ZBBX: variants seen among roughly 807,000 people sequenced by gnomAD.
The protein encoded by ZBBX is zinc finger B-box domain containing.
A neutral mutation model predicts 108.5 loss-of-function variants in ZBBX; 101 were observed. The observed-to-expected ratio is 0.93, with a 90% CI of 0.79 to 1.10. The LOEUF is 1.10. Ranked by LOEUF, ZBBX falls within the 50% of genes least tolerant of loss-of-function variation. ZBBX has a pLI of 0.00. For synonymous variants in ZBBX, 356 were observed against 323.4 expected (o/e 1.10, Z -1.08); for missense variants, 1,009 against 941.4 (o/e 1.07, Z -0.94).
In ZBBX at chr3:167,372,934, C is replaced by T; in HGVS notation, c.-33G>A. 4 of 1,527,502 alleles carry T rather than the reference C, an allele frequency of 2.6e-6. No individual in the cohort carries two copies. Among genetic ancestry groups the T allele is most frequent in the Non-Finnish European group, 3.5e-6 (4 of 1,128,126 alleles). 94.6% of individuals were successfully genotyped at this position (1,527,502 alleles called of 1,614,324 possible). On this transcript the variant is annotated 5_prime_UTR_variant, in exon 4 of 22. Coordinates refer to ENST00000675490, the MANE Select transcript of ZBBX (RefSeq NM_001199201.2). ...ACCTTAATATTGTCTAAAAGTTATT[C>T]TGATTTGTAAACACTTCTGTAAAAG...
At chr3:167,205,172 A>G in the ZBBX span, among the ~76,000 whole-genome samples, 1 of 152,132 alleles carries the variant, frequency 6.6e-6, no homozygotes. Context: ...TTGACCCCTC[A>G]TTAAAACCGT....
chr3:167,388,443 C>A (rs545165582), intron 1 of ZBBX, among the ~76,000 whole-genome samples: 17 of 151,582 alleles, frequency 1.1e-4, no homozygotes, highest in African/African-American at 4.1e-4. Flanking sequence ...ACATTGGCAA[C>A]CAGAGGACAT....
At chr3:167,264,959 C>G (rs1163679706) in intron 20 of ZBBX, among the ~76,000 whole-genome samples, 1 of 152,166 alleles carries the variant, frequency 6.6e-6, no homozygotes, top group African/African-American at 2.4e-5. Context: ...TGGGACTCAC[C>G]CTTCAGGATA....
At chr3:167,238,425 T>A (rs1720319821), downstream of ZBBX, among the ~76,000 whole-genome samples, 1 of 152,078 alleles carries the variant, frequency 6.6e-6, no homozygotes, top group South Asian at 2.1e-4. Context: ...CGTTTGTTAA[T>A]CAGTTTCAAT....
chr3:167,323,235 AAGAG>A (rs746247039), intron 11 of ZBBX, among the ~76,000 whole-genome samples: 1 of 30,420 alleles, frequency 3.3e-5, no homozygotes, highest in Admixed American at 4.9e-4. Context: ...GGAGAGCTAA[AAGAG>A]GGGGGGGGGG....
chr3:167,187,443 A>G, the ZBBX span, among the ~76,000 whole-genome samples: 1 of 152,188 alleles, frequency 6.6e-6, no homozygotes, highest in Non-Finnish European at 1.5e-5. Flanking sequence ...TAGCGTGTGC[A>G]TCAGAGCAAA....
chr3:167,269,823 C>A (rs1000698051), intron 20 of ZBBX, among the ~76,000 whole-genome samples: 6 of 152,186 alleles, frequency 3.9e-5, no homozygotes, highest in Admixed American at 3.9e-4. Flanking sequence ...CAGTAAAATT[C>A]CATATATCCA....
chr3:167,287,438 G>T (rs1729902574), intron 19 of ZBBX, among the ~76,000 whole-genome samples: 1 of 152,034 alleles, frequency 6.6e-6, no homozygotes, highest in Non-Finnish European at 1.5e-5. Flanking sequence ...ATTGCAAGAG[G>T]TTTCCCAGGT....
the ZBBX span, among the ~76,000 whole-genome samples, chr3:167,186,736 C>T: frequency 6.6e-6 from 1 of 151,942 alleles, no homozygotes; most frequent in Non-Finnish European, 1.5e-5. Flanking sequence ...ATAAAATGAG[C>T]AGAGAAGTTT....
At chr3:167,244,139 C>G (rs139437203) in intron 20 of ZBBX, among the ~76,000 whole-genome samples, 1 of 152,152 alleles carries the variant, frequency 6.6e-6, no homozygotes, top group Non-Finnish European at 1.5e-5. Context: ...TAATAACTTG[C>G]TGAAAGTCAC....
Position 167,292,798 on chromosome 3 carries a change from C to T in ZBBX, c.1880-3815G>A, listed in dbSNP as rs539122422. Among the ~76,000 whole-genome samples, 6 of 152,030 alleles carry T rather than the reference C, an allele frequency of 3.9e-5. No individual in the cohort carries two copies. The East Asian group carries it at 1.2e-3, about 29-fold the overall frequency. On this transcript the variant is annotated intron_variant, in intron 18 of 21. Transcript: ENST00000675490. ...GAAAAGACCAACAAAGTAGATAGAC[C>T]ACTAGCCAAACTAATAAAGAAGAAA...
intron 1 of ZBBX, among the ~76,000 whole-genome samples, chr3:167,387,901 C>T (rs372559572): frequency 2.0e-5 from 3 of 152,020 alleles, no homozygotes; most frequent in Admixed American, 6.6e-5. Context: ...ATTCAAACTA[C>T]GCTGAATTAA....
intron 9 of ZBBX, among the ~76,000 whole-genome samples, chr3:167,343,880 G>C (rs947030649): frequency 6.6e-6 from 1 of 151,824 alleles, no homozygotes; most frequent in Non-Finnish European, 1.5e-5. Context: ...ATCTAGCCAA[G>C]ATAACTAAAA....
chr3:167,233,072 T>C, the ZBBX span, among the ~76,000 whole-genome samples: 1 of 151,812 alleles, frequency 6.6e-6, no homozygotes, highest in Admixed American at 6.6e-5. Context: ...GTCCCTTCCC[T>C]GAGAATCTTT....
intron 20 of ZBBX, among the ~76,000 whole-genome samples, chr3:167,269,039 C>T (rs1022564197): frequency 2.0e-5 from 3 of 152,138 alleles, no homozygotes; most frequent in Non-Finnish European, 4.4e-5. Flanking sequence ...GAAGGGCAGG[C>T]CACTTCAAAA....
In ZBBX at chr3:167,324,452, A is replaced by G. The variant is rs7615296; in HGVS notation, c.863-2215T>C. Among the ~76,000 whole-genome samples, 1,054 of 152,232 alleles carry G rather than the reference A, an allele frequency of 6.9e-3. 10 individuals are homozygous for G. Among genetic ancestry groups the G allele is most frequent in the African/African-American group, 0.023 (947 of 41,552 alleles). On this transcript the variant is annotated intron_variant, in intron 11 of 21. Coordinates refer to ENST00000675490, the MANE Select transcript of ZBBX (RefSeq NM_001199201.2). Reference sequence around the variant, plus strand: ...TTAATTAAGGGATTCCAGAGCTGTGACCTGGCTTAGGTCTGAGGACTTCAT... The same window carrying G: ...TTAATTAAGGGATTCCAGAGCTGTGGCCTGGCTTAGGTCTGAGGACTTCAT...
chr3:167,208,341 G>A, the ZBBX span, among the ~76,000 whole-genome samples: 117 of 152,304 alleles, frequency 7.7e-4, no homozygotes, highest in African/African-American at 2.7e-3. Flanking sequence ...GGTGGCTAAG[G>A]AAGTGCTTGT....
the ZBBX span, among the ~76,000 whole-genome samples, chr3:167,203,240 G>A: frequency 3.3e-5 from 5 of 151,942 alleles, no homozygotes; most frequent in East Asian, 1.9e-4. Flanking sequence ...ATGACCTCTC[G>A]TCTGTGTGCA....
chr3:167,277,928 A>T (rs1295070776), intron 20 of ZBBX, among the ~76,000 whole-genome samples: 1 of 151,536 alleles, frequency 6.6e-6, no homozygotes, highest in Non-Finnish European at 1.5e-5. Context: ...TGAAACTAGA[A>T]CTCAGGATTA....
Sources: allele counts gnomAD v4.1 joint callset (sites outside exome capture counted in the v4.1 genomes callset), GRCh38; gene constraint gnomAD v4.1.1; transcripts MANE v1.5; gene names NCBI Gene and HGNC (gene_info 2026-07-23, HGNC 2026-07-21).